The following AXL variants were observed in gnomAD, a reference collection of about 807,000 sequenced individuals.
The protein encoded by AXL is tyrosine-protein kinase receptor UFO.
A neutral mutation model predicts 104.5 loss-of-function variants in AXL; 52 were observed. That is an observed-to-expected ratio of 0.50 (90% confidence interval 0.40 to 0.63). The LOEUF (loss-of-function observed/expected upper bound fraction) is 0.63, where lower values mean the gene tolerates loss of function less well. Ranked by LOEUF, AXL falls within the 20% of genes least tolerant of loss-of-function variation. The pLI, the probability that AXL is intolerant of heterozygous loss-of-function variation, is 0.00. For synonymous variants in AXL, 455 were observed against 473.7 expected (o/e 0.96, Z 0.51); for missense variants, 1,024 against 1,188.5 (o/e 0.86, Z 2.04).
intron 4 of AXL, among the ~76,000 whole-genome samples, chr19:41,224,335 C>T (rs980612498): frequency 4.6e-5 from 7 of 152,036 alleles, no homozygotes; most frequent in South Asian, 2.1e-4. Context: ...AGAATCAGAA[C>T]GTGTCCATGG....
At chr19:41,252,477 C>A (rs753722600) in intron 15 of AXL, 34 bp downstream of exon 15, 3 of 1,601,824 alleles carry the variant, frequency 1.9e-6, no homozygotes, top group Non-Finnish European at 2.6e-6. Flanking sequence ...GGTCTACAAG[C>A]CCCATGGGGG....
chr19:41,233,061 C>T (rs2034020221), intron 6 of AXL, among the ~76,000 whole-genome samples: 1 of 151,890 alleles, frequency 6.6e-6, no homozygotes, highest in Non-Finnish European at 1.5e-5. Flanking sequence ...GTGATCACGG[C>T]TTATTGCAAC....
intron 12 of AXL, among the ~76,000 whole-genome samples, chr19:41,244,492 T>C (rs149087878): frequency 1.3e-5 from 2 of 151,926 alleles, no homozygotes; most frequent in Non-Finnish European, 2.9e-5. Flanking sequence ...TTTTCTTTTT[T>C]TTTTTGAGAC....
intron 2 of AXL, 81 bp from the exon 3 acceptor site, chr19:41,221,065 C>T: frequency 1.5e-6 from 2 of 1,360,912 alleles, no homozygotes; most frequent in East Asian, 2.3e-5. Context: ...AGACTGGACA[C>T]CCTCTTTCCG....
chr19:41,239,903 G>T (rs900132451), intron 10 of AXL, among the ~76,000 whole-genome samples, 183 bp downstream of exon 10: 2 of 152,206 alleles, frequency 1.3e-5, no homozygotes, highest in Non-Finnish European at 2.9e-5. Flanking sequence ...GCACATTGTA[G>T]GTATTCAGGC....
chr19:41,239,644 C>T (rs1456575231), intron 9 of AXL, 50 bp from the exon 10 acceptor site: 5 of 1,612,678 alleles, frequency 3.1e-6, no homozygotes, highest in Middle Eastern at 3.3e-4. Flanking sequence ...CGTGCCACGC[C>T]AGTCTTGTCC....
In AXL at chr19:41,243,611, C is replaced by T. The variant is rs373017958; in HGVS notation, c.1446-5C>T. 14 of 1,613,506 alleles carry T rather than the reference C, an allele frequency of 8.7e-6. No homozygotes were observed. Among genetic ancestry groups the T allele is most frequent in the African/African-American group, 1.3e-5 (1 of 74,900 alleles). ...CTGCCCTCACCTACTCCCCCTCCCC[C>T]CCAGAGAAGTGTTTGAACCAACAGT... On this transcript the variant is annotated splice_region_variant and splice_polypyrimidine_tract_variant and intron_variant, in intron 11 of 19. Transcript: ENST00000301178.
At chr19:41,221,110 C>A in intron 2 of AXL, 36 bp from the exon 3 acceptor site, 1 of 1,595,768 alleles carries the variant, frequency 6.3e-7, no homozygotes, top group Non-Finnish European at 8.6e-7. Flanking sequence ...CCAGCTCTGA[C>A]CCTGAACCTC....
intron 6 of AXL, among the ~76,000 whole-genome samples, chr19:41,232,916 G>A (rs2034015820): frequency 6.6e-6 from 1 of 152,108 alleles, no homozygotes. Flanking sequence ...GCTCAGAGTG[G>A]TTAACCAGAT....
chr19:41,256,715 G>A, intron 18 of AXL, 104 bp downstream of exon 18: 1 of 1,480,390 alleles, frequency 6.8e-7, no homozygotes, highest in Admixed American at 1.9e-5. Context: ...AGGGACATGT[G>A]GGCTTCCCTT....
At position 41,220,813 on chromosome 19, in the gene AXL, T is replaced by G; in HGVS notation, c.263T>G (p.Leu88Arg). ...GACAGCACCCAGACCCAGGTGCCCC[T>G]GGGTGAGGATGAACAGGATGACTGG... ...LADSTQTQVP[L>R]GEDEQDDWIV... The change falls in exon 2 of 20, where the codon CTG (leucine) becomes CGG (arginine). Residue 88 changes from leucine to arginine, a missense_variant. By Grantham distance (102) the Leu-to-Arg change is moderately radical (BLOSUM62 -2). Around this residue, in one of 5 missense-constraint regions of AXL, gnomAD observed 41 missense variants for 76.2 expected, o/e 0.54. Coordinates refer to ENST00000301178, the MANE Select transcript of AXL (RefSeq NM_021913.5). 1 of 1,614,008 alleles carries G rather than the reference T, an allele frequency of 6.2e-7. No homozygotes were observed. The highest frequency in any genetic ancestry group is 8.5e-7 in the Non-Finnish European group (1 of 1,179,960).
chr19:41,234,484 G>C (rs989622774), intron 6 of AXL, among the ~76,000 whole-genome samples: 5 of 151,802 alleles, frequency 3.3e-5, no homozygotes, highest in African/African-American at 1.2e-4. Context: ...AGGTGGGGCT[G>C]TCATTACACC....
chr19:41,253,510 A>G (rs1278211194), intron 16 of AXL, 89 bp from the exon 17 acceptor site: 2 of 974,686 alleles, frequency 2.1e-6, no homozygotes, highest in African/African-American at 3.2e-5. Context: ...CACTGCGGGC[A>G]GAGCTAGGCT....
In AXL at chr19:41,221,931, C is replaced by T. The variant is rs765828639; in HGVS notation, c.461C>T (p.Thr154Ile). 6 of 1,613,568 alleles carry T rather than the reference C, an allele frequency of 3.7e-6. No individual in the cohort carries two copies. In the Admixed American group the frequency reaches 5.0e-5, roughly 13 times the overall value. ...GAAGACAGGACTGTGGCCGCCAACA[C>T]CCCCTTCAACCTGAGCTGCCAAGCT... is the stretch of plus-strand genomic sequence containing the variant. ...EPEDRTVAAN[T>I]PFNLSCQAQG... Residue 154 changes from threonine to isoleucine, a missense_variant, in exon 4 of 20, where the codon ACC (threonine) becomes ATC (isoleucine). Coordinates refer to ENST00000301178, the MANE Select transcript of AXL (RefSeq NM_021913.5).
chr19:41,227,132 TC>T (rs1256978530), intron 4 of AXL, among the ~76,000 whole-genome samples: 2 of 152,022 alleles, frequency 1.3e-5, no homozygotes, highest in Middle Eastern at 3.4e-3. Context: ...CCTTCTTACA[TC>T]CTAGCGCAGA....
Position 41,221,907 on chromosome 19 carries a change from A to C in AXL, c.437A>C (p.Glu146Ala). The C allele has an allele frequency of 6.2e-7, 1 of 1,613,646 alleles. No individual in the cohort carries two copies. Among genetic ancestry groups the C allele is most frequent in the Non-Finnish European group, 8.5e-7 (1 of 1,179,868 alleles). The change falls in exon 4 of 20, where the codon GAA (glutamate) becomes GCA (alanine). Residue 146 changes from glutamate to alanine, a missense_variant. By Grantham distance (107) the Glu-to-Ala change is moderately radical. Coordinates refer to ENST00000301178, the MANE Select transcript of AXL (RefSeq NM_021913.5). ...EGLPYFLEEPEDRTVAANTPF... is the reference protein window; with the variant it reads ...EGLPYFLEEPADRTVAANTPF... ...TTGCCTTACTTCCTGGAGGAGCCCG[A>C]AGACAGGACTGTGGCCGCCAACACC... is the stretch of plus-strand genomic sequence containing the variant.
At position 41,253,608 on chromosome 19, in the gene AXL, A is replaced by C; in HGVS notation, c.1936A>C (p.Thr646Pro). ...RLGDQPVYLP[T>P]QMLVKFMADI... ...TGCCTTGGCTCCCCAGTACCTGCCCACTCAGATGCTAGTGAAGTTCATGGC... is the reference window on the plus strand; with the variant it reads ...TGCCTTGGCTCCCCAGTACCTGCCCCCTCAGATGCTAGTGAAGTTCATGGC... The change falls in exon 17 of 20, where the codon ACT (threonine) becomes CCT (proline). Residue 646 changes from threonine (T) to proline (P), a missense_variant. Thr to Pro is a conservative substitution (Grantham distance 38). This residue lies in a region of AXL where 523 missense variants were observed against 636.0 expected (regional missense o/e 0.82). Transcript: ENST00000301178. The C allele has an allele frequency of 6.2e-7, 1 of 1,613,386 alleles. No homozygotes were observed. Among genetic ancestry groups the C allele is most frequent in the Non-Finnish European group, 8.5e-7 (1 of 1,179,724 alleles).
chr19:41,234,116 C>T (rs952704204), intron 6 of AXL, among the ~76,000 whole-genome samples: 17 of 152,080 alleles, frequency 1.1e-4, no homozygotes, highest in African/African-American at 4.1e-4. Context: ...CATCTGCCCC[C>T]ACTCCTCCCC....
In AXL at chr19:41,238,682, G is replaced by A. The variant is rs555636952; in HGVS notation, c.1134+73G>A. ...AGGAGAACATATCAGGGCAGACATAGATGGTTGTGAAGGTTGGGTAGTACA... is the reference window on the plus strand; with the variant it reads ...AGGAGAACATATCAGGGCAGACATAAATGGTTGTGAAGGTTGGGTAGTACA... On this transcript the variant is annotated intron_variant, in intron 8 of 19. Transcript: ENST00000301178. The A allele has an allele frequency of 4.0e-6, 6 of 1,515,416 alleles. No individual in the cohort carries two copies. In the South Asian group the frequency reaches 7.7e-5, roughly 19 times the overall value. The allele number at this position is 1,515,416 out of a possible 1,614,324, so 93.9% of individuals were successfully genotyped here.
Sources: allele counts gnomAD v4.1 joint callset (sites outside exome capture counted in the v4.1 genomes callset), GRCh38; gene constraint gnomAD v4.1.1; regional missense constraint gnomAD v4.1.1; transcripts MANE v1.5; gene names NCBI Gene and HGNC (gene_info 2026-07-23, HGNC 2026-07-21).